Variants in CAST observed in about 807,000 individuals in gnomAD.
CAST encodes calpastatin.
Under a neutral mutation model 119.6 loss-of-function variants are expected in CAST, and 76 were observed. That is an observed-to-expected ratio of 0.64 (90% CI 0.53 to 0.77). CAST has a LOEUF of 0.77. CAST is among the 30% of genes least tolerant of loss of function. CAST has a pLI of 0.00. For missense variants in CAST, 953 were observed against 946.5 expected (o/e 1.01, Z -0.09); for synonymous variants, 319 against 331.6 (o/e 0.96, Z 0.41).
At chr5:96,265,949 A>G in the CAST span, among the ~76,000 whole-genome samples, 3 of 152,238 alleles carry the variant, frequency 2.0e-5, no homozygotes, top group African/African-American at 7.2e-5. Flanking sequence ...TCATGGAAGA[A>G]TCAAATTCCC....
chr5:96,035,089 T>TTAAGTATATATATA, the CAST span, among the ~76,000 whole-genome samples: 1 of 131,482 alleles, frequency 7.6e-6, no homozygotes, highest in African/African-American at 2.7e-5. Context: ...ATATATATAT[T>TTAAGTATATATATA]TAAGTATATA....
At chr5:96,762,785 C>T (rs1462578130) in intron 25 of CAST, 3 of 246,672 alleles carry the variant, frequency 1.2e-5, no homozygotes, top group African/African-American at 2.3e-5. Context: ...TTTATGGAAT[C>T]GTCATGTTTG....
chr5:96,252,988 T>G, the CAST span, among the ~76,000 whole-genome samples: 2 of 152,132 alleles, frequency 1.3e-5, no homozygotes, highest in Non-Finnish European at 2.9e-5. Flanking sequence ...AAGTGTGTAT[T>G]TCAAAACATC....
At chr5:96,391,657 C>G in the CAST span, 1 of 152,210 alleles carries the variant, frequency 6.6e-6, no homozygotes, top group Admixed American at 6.5e-5. Flanking sequence ...AGCAAGGAAT[C>G]AAGTGCCTGC....
the CAST span, among the ~76,000 whole-genome samples, chr5:96,268,206 A>G: frequency 6.6e-6 from 1 of 152,216 alleles, no homozygotes; most frequent in African/African-American, 2.4e-5. Context: ...AAAATAAGCA[A>G]CAAAATGGAA....
At chr5:96,669,273 T>C (rs1332148479) in intron 1 of CAST, among the ~76,000 whole-genome samples, 2 of 152,212 alleles carry the variant, frequency 1.3e-5, no homozygotes, top group Non-Finnish European at 1.5e-5. Context: ...TATACAAATA[T>C]ATTTTAAGGC....
At chr5:96,205,835 T>A in the CAST span, among the ~76,000 whole-genome samples, 1 of 152,076 alleles carries the variant, frequency 6.6e-6, no homozygotes, top group Non-Finnish European at 1.5e-5. Flanking sequence ...ATATACCCAA[T>A]ATGAGATTGC....
chr5:96,402,360 C>T, the CAST span, among the ~76,000 whole-genome samples: 2 of 152,214 alleles, frequency 1.3e-5, no homozygotes, highest in Non-Finnish European at 2.9e-5. Flanking sequence ...CGCAGGCCCC[C>T]TGGCCCCTCA....
At chr5:96,299,287 AC>A in the CAST span, among the ~76,000 whole-genome samples, 1 of 108,730 alleles carries the variant, frequency 9.2e-6, no homozygotes, top group Non-Finnish European at 2.0e-5. Context: ...AACAACAACA[AC>A]AACAAACAAA....
chr5:96,316,996 G>A, the CAST span, among the ~76,000 whole-genome samples: 6 of 152,138 alleles, frequency 3.9e-5, no homozygotes, highest in Non-Finnish European at 1.5e-5. Context: ...ATCTAGTTAT[G>A]TTCTTGGTAC....
At chr5:96,404,976 C>T in the CAST span, among the ~76,000 whole-genome samples, 1 of 152,164 alleles carries the variant, frequency 6.6e-6, no homozygotes, top group African/African-American at 2.4e-5. Context: ...CTTCAGTCTC[C>T]ATAGTTGTTC....
At chr5:96,589,203 G>A (rs1392341945) in intron 1 of CAST, among the ~76,000 whole-genome samples, 1 of 152,148 alleles carries the variant, frequency 6.6e-6, no homozygotes, top group Non-Finnish European at 1.5e-5. Flanking sequence ...AGGTCCAACT[G>A]ATGCTCATAT....
the CAST span, among the ~76,000 whole-genome samples, chr5:96,480,274 A>G: frequency 6.6e-6 from 1 of 152,200 alleles, no homozygotes; most frequent in African/African-American, 2.4e-5. Context: ...AAATGGGAAC[A>G]GGAAGAGTAG....
intron 1 of CAST, among the ~76,000 whole-genome samples, chr5:96,541,328 T>C (rs1447762697): frequency 1.1e-5 from 1 of 89,888 alleles, no homozygotes; most frequent in African/African-American, 3.9e-5. Context: ...GTGTTTGTCA[T>C]TTTTTTAAAA....
intron 1 of CAST, 150 bp downstream of exon 1, chr5:96,662,647 C>G (rs965064218): frequency 1.8e-6 from 1 of 554,306 alleles, no homozygotes. Flanking sequence ...GGCTTGGCCG[C>G]TGCCAGGCAG....
chr5:96,667,101 A>G (rs1749440842), intron 1 of CAST, among the ~76,000 whole-genome samples: 1 of 152,226 alleles, frequency 6.6e-6, no homozygotes, highest in African/African-American at 2.4e-5. Flanking sequence ...GAAAAATGCA[A>G]GAACAGTTCC....
rs35015183 is a variant in CAST at position 96,695,582 on chromosome 5, A to G, written c.139-254A>G. 0.33 allele frequency among the ~76,000 whole-genome samples: 49,624 copies of G among 152,090 alleles called. 9,464 individuals are homozygous for G. The highest frequency in any genetic ancestry group is 0.44 in the Non-Finnish European group (29,876 of 67,944). ...TTTGGAAGTACATGAGAACTGCCTCAGTGAGTTTTGCAGTTCTCCAAAATC... is the reference window on the plus strand; with the variant it reads ...TTTGGAAGTACATGAGAACTGCCTCGGTGAGTTTTGCAGTTCTCCAAAATC... On this transcript the variant is annotated intron_variant, in intron 2 of 31. Transcript: ENST00000675179.
chr5:96,516,590 G>T, the CAST span, among the ~76,000 whole-genome samples: 1 of 152,136 alleles, frequency 6.6e-6, no homozygotes, highest in African/African-American at 2.4e-5. Context: ...ATGACACAAT[G>T]TTTTTAAAGA....
the CAST span, among the ~76,000 whole-genome samples, chr5:96,125,769 C>T: frequency 2.0e-5 from 3 of 152,010 alleles, no homozygotes; most frequent in Non-Finnish European, 4.4e-5. Flanking sequence ...TCAACTTTTC[C>T]AGGACATATC....
Sources: gnomAD v4.1 joint callset for allele counts (sites outside exome capture counted in the v4.1 genomes callset) on GRCh38, gnomAD v4.1.1 for gene constraint, MANE v1.5 for transcripts, NCBI Gene and HGNC (gene_info 2026-07-23, HGNC 2026-07-21) for gene names.